Variants in CCDC191 observed in about 807,000 individuals in gnomAD.
CCDC191 encodes coiled-coil domain containing 191, also known as coiled-coil domain-containing protein 191.
CCDC191 carries 99 observed loss-of-function variants against 114.0 expected under a neutral mutation model. The observed-to-expected ratio is 0.87, with a 90% confidence interval of 0.74 to 1.03. CCDC191 has a LOEUF of 1.03. Ranked by LOEUF, CCDC191 falls within the 50% of genes least tolerant of loss-of-function variation. The pLI is 0.00. For synonymous variants in CCDC191, 351 were observed against 376.0 expected (o/e 0.93, Z 0.77); for missense variants, 973 against 1,087.0 (o/e 0.90, Z 1.47).
At position 113,965,356 on chromosome 3, in the gene CCDC191, C is replaced by T; in HGVS notation, c.2610G>A (p.Arg870=). ...HEIAAEHSDR[R]ILWITLRTWK... ...ATGTCCGAAGGGTGATCCAGAGGAT[C>T]CTCCTTTAAGAATAAAGAAGGAAAA... Residue 870 remains arginine, a synonymous_variant, in exon 17 of 17, where the codon AGG becomes AGA. Coordinates refer to ENST00000295878, the MANE Select transcript of CCDC191 (RefSeq NM_020817.2). The T allele has an allele frequency of 6.4e-7, 1 of 1,563,586 alleles. No individual in the cohort carries two copies. Among genetic ancestry groups the T allele is most frequent in the Non-Finnish European group, 8.6e-7 (1 of 1,156,714 alleles).
chr3:113,964,492 A>C lies in CCDC191; in HGVS notation c.*663T>G, dbSNP rs141146844. 46 of 152,358 alleles carry C rather than the reference A, an allele frequency of 3.0e-4. No homozygotes were observed. Among genetic ancestry groups the C allele is most frequent in the African/African-American group, 1.0e-3 (43 of 41,578 alleles). 9.4% of individuals were successfully genotyped at this position (152,358 alleles called of 1,614,324 possible). ...CAGTTGCAGGTGGGAGCATGAACAGATAATTTAATGAATTGCTGGACTGTC... is the reference window on the plus strand; with the variant it reads ...CAGTTGCAGGTGGGAGCATGAACAGCTAATTTAATGAATTGCTGGACTGTC... On this transcript the variant is annotated 3_prime_UTR_variant, in exon 17 of 17. Transcript: ENST00000295878.
rs2075860712 is a variant in CCDC191, at chr3:114,001,761, G to A, written c.2062-65C>T. On this transcript the variant is annotated intron_variant, in intron 12 of 16. Transcript: ENST00000295878. ...TTTGAACAGAAATGTGATCTTTTAT[G>A]TTTAGGATAGTCAAGCGTCTACCAA... 3 of 1,596,552 alleles carry A rather than the reference G, an allele frequency of 1.9e-6. No homozygotes were observed. In the South Asian group the frequency reaches 3.4e-5, roughly 18 times the overall value.
chr3:113,970,974 A>C (rs1940757544), intron 16 of CCDC191, among the ~76,000 whole-genome samples: 1 of 152,086 alleles, frequency 6.6e-6, no homozygotes, highest in Admixed American at 6.5e-5. Context: ...TCATTGTTGG[A>C]CATTTGGGTT....
rs1260170747 is a variant in CCDC191 at position 114,046,714 on chromosome 3, C to CT, written c.147dup (p.Glu50ArgfsTer11). ...AAAAATGCATTTGACACTGCAAACTCTGAGGCTTTCTCCACTCTCTTCAAT... is the reference window on the plus strand; with the variant it reads ...AAAAATGCATTTGACACTGCAAACTCTTGAGGCTTTCTCCACTCTCTTCAAT... On this transcript the variant is annotated frameshift_variant, in exon 3 of 17. Coordinates refer to ENST00000295878, the MANE Select transcript of CCDC191 (RefSeq NM_020817.2). LOFTEE classifies it high-confidence loss of function. The CT allele has an allele frequency of 1.2e-6, 2 of 1,612,048 alleles. No homozygotes were observed. Among genetic ancestry groups the CT allele is most frequent in the Non-Finnish European group, 1.7e-6 (2 of 1,178,858 alleles).
At chr3:113,981,948 G>A (rs558580714) in intron 13 of CCDC191, among the ~76,000 whole-genome samples, 29 of 152,180 alleles carry the variant, frequency 1.9e-4, no homozygotes, top group Non-Finnish European at 3.8e-4. Context: ...CTCATGCATA[G>A]TAAGAGGAAG....
intron 3 of CCDC191, among the ~76,000 whole-genome samples, chr3:114,044,212 G>A (rs907293619): frequency 6.6e-6 from 1 of 152,152 alleles, no homozygotes; most frequent in African/African-American, 2.4e-5. Context: ...TTCAAGGACT[G>A]AGTGCTGAGG....
chr3:114,034,039 A>G (rs1049968936), intron 6 of CCDC191, among the ~76,000 whole-genome samples: 1 of 152,236 alleles, frequency 6.6e-6, no homozygotes, highest in African/African-American at 2.4e-5. Context: ...GAATAAATAC[A>G]TTAGTTATTT....
intron 1 of CCDC191, among the ~76,000 whole-genome samples, chr3:114,055,971 T>C (rs1236447099): frequency 1.3e-5 from 2 of 150,052 alleles, no homozygotes; most frequent in Non-Finnish European, 3.0e-5. Context: ...GTATTTAATG[T>C]GAAGCTCTCT....
At chr3:114,015,782 T>C (rs565390991) in intron 8 of CCDC191, among the ~76,000 whole-genome samples, 101 of 152,366 alleles carry the variant, frequency 6.6e-4, no homozygotes, top group African/African-American at 2.4e-3. Context: ...TTTTGTAACA[T>C]TATTGCCATA....
At chr3:114,008,037 A>G (rs2076000919) in intron 9 of CCDC191, among the ~76,000 whole-genome samples, 1 of 147,158 alleles carries the variant, frequency 6.8e-6, no homozygotes, top group African/African-American at 2.5e-5. Context: ...TATATAAATT[A>G]CTATATATAT....
chr3:113,989,832 A>T lies in CCDC191; in HGVS notation c.2164-9039T>A, dbSNP rs140646580. Among the ~76,000 whole-genome samples the T allele has an allele frequency of 1.4e-4, 21 of 152,182 alleles. 1 individual carries two copies. The East Asian group carries it at 4.1e-3, about 29-fold the overall frequency. On this transcript the variant is annotated intron_variant, in intron 13 of 16. Coordinates refer to ENST00000295878, the MANE Select transcript of CCDC191 (RefSeq NM_020817.2). ...GAGACCCCATCTCTACAAAAAATTTAAAAAATCAATTGGACATGGTGGTGC... is the reference window on the plus strand; with the variant it reads ...GAGACCCCATCTCTACAAAAAATTTTAAAAATCAATTGGACATGGTGGTGC...
rs192019757 is a variant in CCDC191, at chr3:114,001,229, T to C, written c.2163+366A>G. Among the ~76,000 whole-genome samples the C allele has an allele frequency of 2.6e-4, 40 of 152,314 alleles. No individual in the cohort carries two copies. The East Asian group carries it at 7.7e-3, about 29-fold the overall frequency. ...CATCAGACTGTTCCCTTAACCCTTA[T>C]GGAGATCACAGTTTAGTTGGGGATG... On this transcript the variant is annotated intron_variant, in intron 13 of 16. Coordinates refer to ENST00000295878, the MANE Select transcript of CCDC191 (RefSeq NM_020817.2).
intron 8 of CCDC191, among the ~76,000 whole-genome samples, chr3:114,013,587 T>C (rs1012448328): frequency 6.6e-6 from 1 of 152,026 alleles, no homozygotes; most frequent in Non-Finnish European, 1.5e-5. Flanking sequence ...AAGGGCAGAG[T>C]TCCCTTATGA....
At chr3:114,046,383 T>C (rs2076629817) in intron 3 of CCDC191, among the ~76,000 whole-genome samples, 1 of 152,238 alleles carries the variant, frequency 6.6e-6, no homozygotes, top group African/African-American at 2.4e-5. Context: ...CCTCTGGATG[T>C]GGTTCTAATT....
rs971889630 is a variant in CCDC191 at position 114,028,355 on chromosome 3, G to A, written c.972+3271C>T. Among the ~76,000 whole-genome samples the A allele has an allele frequency of 6.6e-4, 98 of 147,464 alleles. 1 individual carries two copies. Among genetic ancestry groups the A allele is most frequent in the South Asian group, 1.9e-3 (9 of 4,684 alleles). On this transcript the variant is annotated intron_variant, in intron 7 of 16. Transcript: ENST00000295878. The stretch of plus-strand genomic sequence containing the variant: ...GGCTGGAGTGCAGCGGCATGATCTC[G>A]GCTCACTGCAAGCTCTGCCTCCTGG...
chr3:113,984,268 T>C (rs2075276683), intron 13 of CCDC191: 1 of 152,116 alleles, frequency 6.6e-6, no homozygotes, highest in African/African-American at 2.4e-5. Context: ...GGTACCTCTG[T>C]TGGACAATTT....
intron 1 of CCDC191, among the ~76,000 whole-genome samples, chr3:114,055,478 C>T (rs886436530): frequency 6.6e-6 from 1 of 152,120 alleles, no homozygotes; most frequent in Non-Finnish European, 1.5e-5. Flanking sequence ...GGAATATGTC[C>T]AATGCATTTA....
At chr3:114,010,008 T>G (rs947223645) in intron 9 of CCDC191, among the ~76,000 whole-genome samples, 3 of 152,166 alleles carry the variant, frequency 2.0e-5, no homozygotes, top group African/African-American at 7.2e-5. Flanking sequence ...CCAAAAATTC[T>G]GTTTTAGTAG....
intron 13 of CCDC191, among the ~76,000 whole-genome samples, chr3:113,981,843 A>G (rs2075162828): frequency 6.6e-6 from 1 of 152,230 alleles, no homozygotes; most frequent in South Asian, 2.1e-4. Context: ...ATATTCTCTT[A>G]GCCATTAAAC....
Sources: gnomAD v4.1 joint callset for allele counts (sites outside exome capture counted in the v4.1 genomes callset) on GRCh38, gnomAD v4.1.1 for gene constraint, MANE v1.5 for transcripts, NCBI Gene and HGNC (gene_info 2026-07-23, HGNC 2026-07-21) for gene names.